FHAD1: variants seen among roughly 807,000 people sequenced by gnomAD.
FHAD1 encodes forkhead-associated domain-containing protein 1.
Under a neutral mutation model 191.3 loss-of-function variants are expected in FHAD1, and 146 were observed. The ratio of observed to expected loss-of-function variants is 0.76; its 90% CI spans 0.67 to 0.88. The LOEUF (loss-of-function observed/expected upper bound fraction) is 0.88, where lower values mean the gene tolerates loss of function less well. FHAD1 is among the 40% of genes least tolerant of loss of function. FHAD1 has a pLI of 0.00. For missense variants in FHAD1, 1,635 were observed against 1,785.8 expected (o/e 0.92, Z 1.52); for synonymous variants, 616 against 672.3 (o/e 0.92, Z 1.29).
chr1:15,266,542 G>A (rs758837588), intron 2 of FHAD1, among the ~76,000 whole-genome samples: 8 of 151,430 alleles, frequency 5.3e-5, no homozygotes, highest in South Asian at 2.1e-4. Context: ...TAACATCTTC[G>A]TTACTATGAT....
intron 31 of FHAD1, among the ~76,000 whole-genome samples, chr1:15,386,625 C>T (rs776613831): frequency 4.6e-5 from 7 of 152,228 alleles, no homozygotes; most frequent in Non-Finnish European, 8.8e-5. Flanking sequence ...CAATCAAATC[C>T]TCCCCAAGGG....
At chr1:15,391,978 T>A (rs1407773987) in intron 33 of FHAD1, among the ~76,000 whole-genome samples, 1 of 152,198 alleles carries the variant, frequency 6.6e-6, no homozygotes, top group Non-Finnish European at 1.5e-5. Context: ...TGCCAGTTAT[T>A]GGCTGAGAAT....
chr1:15,393,418 A>ACACACACACATG (rs1553127038), intron 33 of FHAD1, among the ~76,000 whole-genome samples: 2 of 128,346 alleles, frequency 1.6e-5, no homozygotes, highest in African/African-American at 7.8e-5. Flanking sequence ...AGATGTGGAC[A>ACACACACACATG]CACACACACA....
Position 15,303,709 on chromosome 1 carries a change from C to T in FHAD1, c.915+2268C>T, listed in dbSNP as rs551382966. Reference sequence around the variant, plus strand: ...ACTAAAAATACAAAAGTTAGCCAAGCGTGATGGTGCGTGCCTGTAATCCCA... The same window carrying T: ...ACTAAAAATACAAAAGTTAGCCAAGTGTGATGGTGCGTGCCTGTAATCCCA... On this transcript the variant is annotated intron_variant, in intron 6 of 33. Transcript: ENST00000688493. 5.9e-5 allele frequency among the ~76,000 whole-genome samples: 9 copies of T among 152,118 alleles called. No homozygotes were observed. In the East Asian group the frequency reaches 7.7e-4, roughly 13 times the overall value.
At chr1:15,323,200 G>A (rs1331784455) in intron 10 of FHAD1, among the ~76,000 whole-genome samples, 5 of 152,252 alleles carry the variant, frequency 3.3e-5, no homozygotes, top group Non-Finnish European at 2.9e-5. Context: ...GCACAGAGGA[G>A]GAGCTCAATA....
intron 28 of FHAD1, among the ~76,000 whole-genome samples, chr1:15,378,494 G>A (rs947928777): frequency 1.3e-5 from 2 of 152,122 alleles, no homozygotes; most frequent in Non-Finnish European, 2.9e-5. Flanking sequence ...CCCTCCCTCC[G>A]GACTCCTGCA....
intron 4 of FHAD1, among the ~76,000 whole-genome samples, chr1:15,294,898 T>G (rs1291137665): frequency 1.3e-5 from 2 of 151,938 alleles, no homozygotes; most frequent in African/African-American, 4.8e-5. Context: ...AGGCCGCAGC[T>G]CTAAGGCCGA....
chr1:15,387,759 C>T (rs747282788), intron 31 of FHAD1, among the ~76,000 whole-genome samples: 9 of 152,180 alleles, frequency 5.9e-5, no homozygotes, highest in Non-Finnish European at 1.0e-4. Context: ...GTGGCACACG[C>T]CCGTAGTCGC....
At chr1:15,372,767 TTTC>T (rs1304744812) in intron 26 of FHAD1, among the ~76,000 whole-genome samples, 55 of 152,320 alleles carry the variant, frequency 3.6e-4, no homozygotes, top group Middle Eastern at 3.4e-3. Flanking sequence ...AGATTGTCAG[TTTC>T]TTCTCTTTCT....
At chr1:15,324,780 C>G in intron 11 of FHAD1, 1 of 555,718 alleles carries the variant, frequency 1.8e-6, no homozygotes, top group Non-Finnish European at 3.2e-6. Context: ...GAATAGTTTA[C>G]GATGACCCGA....
intron 4 of FHAD1, among the ~76,000 whole-genome samples, chr1:15,292,364 C>T (rs369750673): frequency 3.9e-5 from 6 of 152,180 alleles, no homozygotes; most frequent in African/African-American, 7.2e-5. Context: ...GACGGAGTCT[C>T]GCTCTGTCGC....
At position 15,272,346 on chromosome 1, in the gene FHAD1, T is replaced by C; in HGVS notation, c.117T>C (p.His39=). The C allele has an allele frequency of 6.4e-7, 1 of 1,551,718 alleles. No individual in the cohort carries two copies. Among genetic ancestry groups the C allele is most frequent in the African/African-American group, 1.4e-5 (1 of 73,170 alleles). The change falls in exon 3 of 34, where the codon CAT becomes CAC. Residue 39 remains histidine (H), a synonymous_variant. Coordinates refer to ENST00000688493, the MANE Select transcript of FHAD1 (RefSeq NM_001391957.1). ...AGTCTCCTGACATCGACAACCACCA[T>C]GCACTCATTGAATATAACGAGGCGG... is the stretch of plus-strand genomic sequence containing the variant. The part of the protein sequence containing the change: ...VLQSPDIDNH[H]ALIEYNEAEC...
chr1:15,396,960 G>A (rs561707031), intron 33 of FHAD1, among the ~76,000 whole-genome samples: 41 of 151,334 alleles, frequency 2.7e-4, no homozygotes, highest in Admixed American at 1.8e-3. Context: ...CAAGACGGGC[G>A]GATCACGAGG....
chr1:15,256,377 G>C (rs1648058187), intron 2 of FHAD1, among the ~76,000 whole-genome samples: 1 of 152,220 alleles, frequency 6.6e-6, no homozygotes, highest in African/African-American at 2.4e-5. Context: ...GCACAGCCAG[G>C]CACGGTGGCT....
chr1:15,297,742 C>A (rs1191044295), intron 5 of FHAD1, among the ~76,000 whole-genome samples: 1 of 152,202 alleles, frequency 6.6e-6, no homozygotes, highest in Non-Finnish European at 1.5e-5. Flanking sequence ...GGCTGATGGT[C>A]TCAGAAGTCC....
chr1:15,314,442 C>T (rs867626735), intron 8 of FHAD1: 27 of 152,248 alleles, frequency 1.8e-4, no homozygotes, highest in African/African-American at 4.6e-4. Flanking sequence ...TTGTCATCAG[C>T]GAAATGGGAA....
rs1696281019 is a variant in FHAD1, at chr1:15,365,935, T to C, written c.3154+2T>C. 2.6e-6 allele frequency: 4 copies of C among 1,544,546 alleles called. No individual in the cohort carries two copies. The African/African-American group carries it at 4.1e-5, about 16-fold the overall frequency. ...ACAGCAGAATGTCGGATTTGAGAGGTTTGAACAATTTCTGGTGTCTCTTGA... is the reference window on the plus strand; with the variant it reads ...ACAGCAGAATGTCGGATTTGAGAGGCTTGAACAATTTCTGGTGTCTCTTGA... On this transcript the variant is annotated splice_donor_variant, in intron 24 of 33. Transcript: ENST00000688493. LOFTEE classifies it high-confidence loss of function.
At chr1:15,324,106 G>A (rs928625961) in intron 10 of FHAD1, among the ~76,000 whole-genome samples, 2 of 152,148 alleles carry the variant, frequency 1.3e-5, no homozygotes, top group Admixed American at 6.5e-5. Context: ...ATAACTCTGC[G>A]AAGAGGGAAC....
At position 15,312,616 on chromosome 1, in the gene FHAD1, C is replaced by T. The variant is rs374656969; in HGVS notation, c.1040-441C>T. Among the ~76,000 whole-genome samples the T allele has an allele frequency of 2.0e-5, 3 of 152,202 alleles. No individual in the cohort carries two copies. The highest frequency in any genetic ancestry group is 3.8e-4 in the East Asian group (2 of 5,204). Reference sequence around the variant, plus strand: ...GGTCGAGGCTGTAGTGAACCATGATCGTGCCACTGTACTCCAGCCTGGGTG... The same window carrying T: ...GGTCGAGGCTGTAGTGAACCATGATTGTGCCACTGTACTCCAGCCTGGGTG... On this transcript the variant is annotated intron_variant, in intron 7 of 33. Transcript: ENST00000688493. The surrounding 1 kb of genome is among the most constrained non-coding windows in gnomAD (Gnocchi z 4.7).
Sources: allele counts gnomAD v4.1 joint callset (sites outside exome capture counted in the v4.1 genomes callset), GRCh38; gene constraint gnomAD v4.1.1; non-coding constraint Gnocchi (gnomAD v3.1); transcripts MANE v1.5; gene names NCBI Gene and HGNC (gene_info 2026-07-23, HGNC 2026-07-21).